The following MYO7B variants were observed in gnomAD, a reference collection of about 807,000 sequenced individuals.
The protein encoded by MYO7B is unconventional myosin-VIIb.
Under a neutral mutation model 259.7 loss-of-function variants are expected in MYO7B, and 212 were observed. The ratio of observed to expected loss-of-function variants is 0.82; its 90% confidence interval spans 0.73 to 0.91. MYO7B has a LOEUF of 0.91. Ranked by LOEUF, MYO7B falls within the 40% of genes least tolerant of loss-of-function variation. The probability of loss-of-function intolerance (pLI) is 0.00; values close to 1 mark genes in which losing one functional copy is unlikely to be tolerated. For synonymous variants in MYO7B, 1,197 were observed against 1,166.4 expected (o/e 1.03, Z -0.54); for missense variants, 2,732 against 2,813.5 (o/e 0.97, Z 0.66).
In MYO7B at chr2:127,559,579, G is replaced by C; in HGVS notation, c.-23-121G>C. On this transcript the variant is annotated intron_variant, in intron 1 of 47. Transcript: ENST00000409816. The surrounding 1 kb of genome is among the most constrained non-coding windows in gnomAD (Gnocchi z 4.1). The stretch of plus-strand genomic sequence containing the variant: ...CATCCATTTATTCAGCATTGTTTTT[G>C]AGCCAGGTCCCATGCCGGGCACTTA... 1 of 851,124 alleles carries C rather than the reference G, an allele frequency of 1.2e-6. No individual in the cohort carries two copies. The highest frequency in any genetic ancestry group is 2.0e-6 in the Non-Finnish European group (1 of 505,366). The allele number at this position is 851,124 out of a possible 1,614,324, so 52.7% of individuals were successfully genotyped here. A position where few individuals can be genotyped will look rare whatever the true frequency, so the allele number is the denominator to read the frequency against.
intron 6 of MYO7B, among the ~76,000 whole-genome samples, chr2:127,570,467 C>T (rs1178778287): frequency 6.6e-6 from 1 of 152,240 alleles, no homozygotes; most frequent in African/African-American, 2.4e-5. Context: ...CAAACTGCTC[C>T]TTAGAAGGCT....
chr2:127,564,961 C>G (rs965460246), intron 3 of MYO7B, among the ~76,000 whole-genome samples: 2 of 152,120 alleles, frequency 1.3e-5, no homozygotes, highest in African/African-American at 4.8e-5. Context: ...TCCTTTGTCC[C>G]TGGTCTGAAA....
In MYO7B at chr2:127,631,273, G is replaced by T. The variant is rs763252653; in HGVS notation, c.5005G>T (p.Ala1669Ser). ...GGCCCGTGCCCGTGGCCACCTGTGG[G>T]CCTATTCCTGCGAGCCGCTGCGACA... ...PLARARGHLW[A>S]YSCEPLRQPL... The change falls in exon 37 of 48, where the codon GCC (alanine) becomes TCC (serine). Residue 1669 changes from alanine to serine, a missense_variant. By Grantham distance (99) the Ala-to-Ser change is moderately conservative. This residue lies in a region of MYO7B where 821 missense variants were observed against 769.3 expected (regional missense o/e 1.07). Coordinates refer to ENST00000409816, the MANE Select transcript of MYO7B (RefSeq NM_001393586.1). 2.5e-6 allele frequency: 4 copies of T among 1,611,934 alleles called. No individual in the cohort carries two copies. The highest frequency in any genetic ancestry group is 3.4e-6 in the Non-Finnish European group (4 of 1,179,418).
intron 1 of MYO7B, among the ~76,000 whole-genome samples, chr2:127,542,072 T>A (rs1270135133): frequency 6.6e-6 from 1 of 152,264 alleles, no homozygotes; most frequent in Non-Finnish European, 1.5e-5. Context: ...GCCCTCATGG[T>A]GATCCAGGAG....
At position 127,590,320 on chromosome 2, in the gene MYO7B, G is replaced by T. The variant is rs1679509923; in HGVS notation, c.1992+91G>T. The T allele has an allele frequency of 1.1e-5, 17 of 1,568,344 alleles. No homozygotes were observed. The South Asian group carries it at 1.9e-4, about 18-fold the overall frequency. ...GTGGTCACTCCCTCTGCCAGGGCCT[G>T]GCTAGCGTTAGAGCTGTTACTGCCC... On this transcript the variant is annotated intron_variant, in intron 16 of 47. Transcript: ENST00000409816. The surrounding 1 kb of genome is among the most constrained non-coding windows in gnomAD (Gnocchi z 4.6).
chr2:127,610,841 G>A (rs911213493), intron 24 of MYO7B, among the ~76,000 whole-genome samples: 8 of 152,226 alleles, frequency 5.3e-5, no homozygotes, highest in African/African-American at 1.7e-4. Flanking sequence ...TTACAGAGAA[G>A]TTGCCCAGGC....
chr2:127,601,551 A>G (rs1009533352), intron 19 of MYO7B, among the ~76,000 whole-genome samples: 6 of 151,932 alleles, frequency 3.9e-5, no homozygotes, highest in Non-Finnish European at 5.9e-5. Context: ...TTATCATGTA[A>G]TATCCTTCTC....
rs2104845661 is a variant in MYO7B, at chr2:127,559,772, T to C, written c.18+32T>C. 6.2e-7 allele frequency: 1 copy of C among 1,613,476 alleles called. No homozygotes were observed. Among genetic ancestry groups the C allele is most frequent in the Non-Finnish European group, 8.5e-7 (1 of 1,179,486 alleles). On this transcript the variant is annotated intron_variant, in intron 2 of 47. Transcript: ENST00000409816. The surrounding 1 kb of genome is among the most constrained non-coding windows in gnomAD (Gnocchi z 4.1). ...ATTGTATGATTTGATCTAGGGGTTA[T>C]TGGTGTAAGTTACTCAAGGCCAAGT...
At chr2:127,582,592 G>T in intron 12 of MYO7B, 146 bp downstream of exon 12, 1 of 982,520 alleles carries the variant, frequency 1.0e-6, no homozygotes. Context: ...TGCATGGGGT[G>T]GCTGCTGTCC....
intron 10 of MYO7B, among the ~76,000 whole-genome samples, chr2:127,581,523 T>C (rs1229289659): frequency 6.6e-6 from 1 of 152,204 alleles, no homozygotes; most frequent in Non-Finnish European, 1.5e-5. Context: ...TCAGCTCCAG[T>C]GGAGGGCTGG....
chr2:127,632,683 G>A (rs1455868797), intron 39 of MYO7B, among the ~76,000 whole-genome samples: 5 of 152,160 alleles, frequency 3.3e-5, no homozygotes, highest in African/African-American at 1.2e-4. Flanking sequence ...AGAGAAACCT[G>A]GATGCCCCAG....
intron 1 of MYO7B, among the ~76,000 whole-genome samples, chr2:127,558,221 T>C (rs976959775): frequency 5.3e-5 from 8 of 152,068 alleles, no homozygotes; most frequent in African/African-American, 1.4e-4. Context: ...AGAAGATATA[T>C]AAATGGCCAA....
At position 127,594,828 on chromosome 2, in the gene MYO7B, T is replaced by C. The variant is rs535270635; in HGVS notation, c.2244+1184T>C. Among the ~76,000 whole-genome samples, 10 of 152,354 alleles carry C rather than the reference T, an allele frequency of 6.6e-5. No individual in the cohort carries two copies. The East Asian group carries it at 1.2e-3, about 18-fold the overall frequency. On this transcript the variant is annotated intron_variant, in intron 18 of 47. Transcript: ENST00000409816. ...TTGCATCCTGGGGATGAAGCCAACT[T>C]GATCGTAGTGGATAAGCTTTTTGAT...
chr2:127,595,942 G>GT lies in MYO7B; in HGVS notation c.2245-516dup, dbSNP rs570185298. ...TGCCGAGAAGAATGTATACTCTGTTGTTTTGGGGTGGAGAGTTCTGTAGAT... is the reference window on the plus strand; with the variant it reads ...TGCCGAGAAGAATGTATACTCTGTTGTTTTTGGGGTGGAGAGTTCTGTAGAT... On this transcript the variant is annotated intron_variant, in intron 18 of 47. Transcript: ENST00000409816. Among the ~76,000 whole-genome samples the GT allele has an allele frequency of 2.6e-3, 394 of 152,258 alleles. 1 individual carries two copies. The highest frequency in any genetic ancestry group is 8.7e-3 in the African/African-American group (363 of 41,554).
intron 1 of MYO7B, among the ~76,000 whole-genome samples, chr2:127,552,015 A>C (rs913906758): frequency 1.3e-5 from 2 of 152,156 alleles, no homozygotes; most frequent in African/African-American, 2.4e-5. Context: ...GGACTTTGCA[A>C]GGAGAGATCA....
Position 127,628,353 on chromosome 2 carries a change from C to T in MYO7B, c.4461-19C>T, listed in dbSNP as rs140429290. 1.6e-5 allele frequency: 26 copies of T among 1,589,380 alleles called. No individual in the cohort carries two copies. Among genetic ancestry groups the T allele is most frequent in the African/African-American group, 9.4e-5 (7 of 74,850 alleles). Reference sequence around the variant, plus strand: ...GGAAGGTGGAGGGGGCTCCTGGTCACGCTGTCCTTCATCTCCAGGGAGGCC... The same window carrying T: ...GGAAGGTGGAGGGGGCTCCTGGTCATGCTGTCCTTCATCTCCAGGGAGGCC... On this transcript the variant is annotated intron_variant, in intron 33 of 47. Transcript: ENST00000409816. The surrounding 1 kb of genome is among the most constrained non-coding windows in gnomAD (Gnocchi z 4.8).
intron 44 of MYO7B, 37 bp downstream of exon 44, chr2:127,635,944 T>G (rs1558857501): frequency 1.3e-6 from 2 of 1,543,456 alleles, no homozygotes; most frequent in Middle Eastern, 1.7e-4. Context: ...CTTGTGCTGC[T>G]GCTCCTCCCT....
At chr2:127,553,094 C>T (rs1416516427) in intron 1 of MYO7B, among the ~76,000 whole-genome samples, 1 of 152,240 alleles carries the variant, frequency 6.6e-6, no homozygotes, top group African/African-American at 2.4e-5. Flanking sequence ...AAGCCGTTGT[C>T]AAAGTCACAT....
rs556946517 is a variant in MYO7B, at chr2:127,634,741, T to C, written c.5713+58T>C. 4.2e-6 allele frequency: 6 copies of C among 1,431,854 alleles called. No homozygotes were observed. The South Asian group carries it at 7.2e-5, about 17-fold the overall frequency. The allele number at this position is 1,431,854 out of a possible 1,614,324, so 88.7% of individuals were successfully genotyped here. A position where few individuals can be genotyped will look rare whatever the true frequency, so the allele number is the denominator to read the frequency against. The stretch of plus-strand genomic sequence containing the variant: ...GTGGCTGGGTGGGTCGAGGGGGCAC[T>C]GGCGGCCTCTGTGCGGCCCATGCCC... On this transcript the variant is annotated intron_variant, in intron 42 of 47. Transcript: ENST00000409816.
Sources: allele counts gnomAD v4.1 joint callset (sites outside exome capture counted in the v4.1 genomes callset), GRCh38; gene constraint gnomAD v4.1.1; regional missense constraint gnomAD v4.1.1; non-coding constraint Gnocchi (gnomAD v3.1); transcripts MANE v1.5; gene names NCBI Gene and HGNC (gene_info 2026-07-23, HGNC 2026-07-21).